The following DENND5A variants were observed in gnomAD, a reference collection of about 807,000 sequenced individuals.
DENND5A encodes DENN domain-containing protein 5A.
A neutral mutation model predicts 140.3 loss-of-function variants in DENND5A; 64 were observed. The observed-to-expected ratio is 0.46, with a 90% CI of 0.37 to 0.56. DENND5A has a LOEUF of 0.56. Ranked by LOEUF, DENND5A falls within the 20% of genes least tolerant of loss-of-function variation. The pLI, the probability that DENND5A is intolerant of heterozygous loss-of-function variation, is 0.00. For missense variants in DENND5A, 1,292 were observed against 1,593.8 expected, an observed-to-expected ratio of 0.81 and a Z score of 3.22; for synonymous variants, 605 against 607.7, an observed-to-expected ratio of 1.00 and a Z score of 0.07.
intron 5 of DENND5A, among the ~76,000 whole-genome samples, chr11:9,183,009 T>C (rs1241487832): frequency 1.3e-5 from 2 of 152,252 alleles, no homozygotes; most frequent in Non-Finnish European, 2.9e-5. Flanking sequence ...ATTACATACA[T>C]GTACTGAAAT....
intron 21 of DENND5A, 125 bp from the exon 22 acceptor site, chr11:9,142,233 T>C (rs778440000): frequency 8.9e-6 from 6 of 675,998 alleles, no homozygotes; most frequent in South Asian, 3.0e-5. Context: ...AGCACAAGTG[T>C]TCTGATGTCA....
chr11:9,256,382 C>G (rs1851947402), intron 1 of DENND5A, among the ~76,000 whole-genome samples: 1 of 151,992 alleles, frequency 6.6e-6, no homozygotes, highest in Admixed American at 6.6e-5. Context: ...ATCACTTGAA[C>G]CTGGGAGGCG....
At chr11:9,232,860 A>C (rs188066734) in intron 1 of DENND5A, among the ~76,000 whole-genome samples, 19 of 152,228 alleles carry the variant, frequency 1.2e-4, no homozygotes, top group African/African-American at 4.6e-4. Flanking sequence ...AGGTGTGGTA[A>C]AGTCACACAA....
At chr11:9,210,222 T>G (rs1387833713) in intron 1 of DENND5A, among the ~76,000 whole-genome samples, 2 of 152,198 alleles carry the variant, frequency 1.3e-5, no homozygotes, top group Non-Finnish European at 2.9e-5. Flanking sequence ...TTTAGACCCT[T>G]GGAAATTCAA....
chr11:9,140,855 G>A (rs2136108368), intron 22 of DENND5A, among the ~76,000 whole-genome samples: 1 of 152,306 alleles, frequency 6.6e-6, no homozygotes, highest in African/African-American at 2.4e-5. Flanking sequence ...GGCCAGGCAT[G>A]GTGGCTCACG....
In DENND5A at chr11:9,142,060, G is replaced by A; in HGVS notation, c.3560C>T (p.Pro1187Leu). The A allele has an allele frequency of 6.2e-7, 1 of 1,604,880 alleles. No homozygotes were observed. Among genetic ancestry groups the A allele is most frequent in the Non-Finnish European group, 8.5e-7 (1 of 1,175,692 alleles). ...YETLEKNEVV[P>L]EENWHTRARN... ...GGCTCTTGTATGCCAGTTTTCCTCA[G>A]GGACTACTTCATTCTTCTCTAATGT... Residue 1187 changes from proline to leucine, a missense_variant, in exon 22 of 23, where the codon CCT (proline) becomes CTT (leucine). Transcript: ENST00000328194.
chr11:9,213,080 T>G (rs1164943056), intron 1 of DENND5A, among the ~76,000 whole-genome samples: 1 of 150,176 alleles, frequency 6.7e-6, no homozygotes, highest in South Asian at 2.1e-4. Context: ...CTTGACTCAC[T>G]GCAACATCCA....
chr11:9,257,625 G>A (rs1269101021), intron 1 of DENND5A, among the ~76,000 whole-genome samples: 1 of 151,050 alleles, frequency 6.6e-6, no homozygotes, highest in Admixed American at 6.6e-5. Flanking sequence ...GGGACTACAG[G>A]TGCCCGCCAT....
chr11:9,149,401 C>T (rs1847537690), intron 15 of DENND5A, among the ~76,000 whole-genome samples: 1 of 152,152 alleles, frequency 6.6e-6, no homozygotes, highest in Non-Finnish European at 1.5e-5. Context: ...CAGGTTTATG[C>T]CTTCAATGAA....
At chr11:9,200,455 C>A in intron 4 of DENND5A, among the ~76,000 whole-genome samples, 1 of 152,212 alleles carries the variant, frequency 6.6e-6, no homozygotes, top group Admixed American at 6.5e-5. Flanking sequence ...TACATTCAGC[C>A]AGCAGATGCT....
intron 20 of DENND5A, 125 bp from the exon 21 acceptor site, chr11:9,142,970 T>C: frequency 2.4e-6 from 3 of 1,271,930 alleles, no homozygotes; most frequent in Non-Finnish European, 3.2e-6. Context: ...ACTTTGTCTG[T>C]TTCCCTAACA....
rs763783591 is a variant in DENND5A at position 9,265,022 on chromosome 11, G to A, written c.48C>T (p.Ala16=). The A allele has an allele frequency of 4.4e-6, 7 of 1,577,510 alleles. No homozygotes were observed. Among genetic ancestry groups the A allele is most frequent in the Non-Finnish European group, 6.0e-6 (7 of 1,165,088 alleles). The change falls in exon 1 of 23, where the codon GCC becomes GCT. Residue 16 remains alanine, a synonymous_variant. Transcript: ENST00000328194. This position sits in a 1 kb window ranked among gnomAD's most constrained non-coding sequence, Gnocchi z 4.7. The part of the protein sequence containing the change: ...GGGGSAPSRF[A]DYFVICGLDT... ...CCAGTCCGCAGATGACAAAGTAGTCGGCGAAGCGACTGGGCGCCGAGCCCC... is the reference window on the plus strand; with the variant it reads ...CCAGTCCGCAGATGACAAAGTAGTCAGCGAAGCGACTGGGCGCCGAGCCCC...
chr11:9,234,277 A>G (rs1235225681), intron 1 of DENND5A, among the ~76,000 whole-genome samples: 1 of 151,996 alleles, frequency 6.6e-6, no homozygotes, highest in Non-Finnish European at 1.5e-5. Flanking sequence ...AGAAAGAGAG[A>G]TTCAAAAGTG....
chr11:9,264,917 G>A (rs1852375951), intron 1 of DENND5A, 44 bp downstream of exon 1: 3 of 1,473,230 alleles, frequency 2.0e-6, no homozygotes, highest in East Asian at 2.7e-5. Context: ...GGTCCCCGAC[G>A]ACAGCGGGCG....
intron 1 of DENND5A, among the ~76,000 whole-genome samples, chr11:9,223,182 A>T (rs952390954): frequency 2.0e-5 from 3 of 151,782 alleles, no homozygotes; most frequent in Non-Finnish European, 4.4e-5. Context: ...TGAGCTGAGG[A>T]GTTCAAGACC....
At chr11:9,236,453 A>C (rs1279057428) in intron 1 of DENND5A, among the ~76,000 whole-genome samples, 1 of 146,212 alleles carries the variant, frequency 6.8e-6, no homozygotes, top group African/African-American at 2.6e-5. Flanking sequence ...AATTGCTCAA[A>C]CCCAGGAGGC....
chr11:9,203,163 T>C (rs1849579259), intron 4 of DENND5A, among the ~76,000 whole-genome samples: 1 of 152,230 alleles, frequency 6.6e-6, no homozygotes, highest in Non-Finnish European at 1.5e-5. Context: ...TCTACTTTAC[T>C]ATTTTGTCCA....
intron 4 of DENND5A, among the ~76,000 whole-genome samples, chr11:9,200,390 G>T (rs1445734543): frequency 3.3e-5 from 5 of 152,206 alleles, no homozygotes; most frequent in Admixed American, 3.3e-4. Context: ...CCCAGAGAGA[G>T]GAGGCTCTAA....
chr11:9,216,101 G>C (rs1308638380), intron 1 of DENND5A, among the ~76,000 whole-genome samples: 3 of 152,226 alleles, frequency 2.0e-5, no homozygotes, highest in Non-Finnish European at 4.4e-5. Context: ...TGAGCAACTA[G>C]TCAAGAAGGC....
Sources: allele counts gnomAD v4.1 joint callset (sites outside exome capture counted in the v4.1 genomes callset), GRCh38; gene constraint gnomAD v4.1.1; non-coding constraint Gnocchi (gnomAD v3.1); transcripts MANE v1.5; gene names NCBI Gene and HGNC (gene_info 2026-07-23, HGNC 2026-07-21).